The following CSMD1 variants were observed in gnomAD, a reference collection of about 807,000 sequenced individuals.
The protein encoded by CSMD1 is CUB and sushi domain-containing protein 1.
CSMD1 carries 213 observed loss-of-function variants against 417.5 expected under a neutral mutation model. The ratio of observed to expected loss-of-function variants is 0.51; its 90% CI spans 0.46 to 0.57. The LOEUF (loss-of-function observed/expected upper bound fraction) is 0.57. CSMD1 is among the 20% of genes least tolerant of loss of function. The pLI, the probability that CSMD1 is intolerant of heterozygous loss-of-function variation, is 0.00. For synonymous variants in CSMD1, 2,862 were observed against 1,736.8 expected, an observed-to-expected ratio of 1.65 and a Z score of -16.11; for missense variants, 6,923 against 4,529.7, an observed-to-expected ratio of 1.53 and a Z score of -15.17.
intron 1 of CSMD1, 83 bp from the exon 2 acceptor site, chr8:4,637,641 C>G (rs1312925972): frequency 8.7e-6 from 4 of 458,886 alleles, no homozygotes; most frequent in Non-Finnish European, 1.4e-5. Flanking sequence ...AACACTTTAG[C>G]CAATTTTTTT....
At chr8:4,088,378 G>C (rs77994750) in intron 3 of CSMD1, among the ~76,000 whole-genome samples, 5 of 152,188 alleles carry the variant, frequency 3.3e-5, no homozygotes, top group African/African-American at 1.2e-4. Flanking sequence ...ACTTTTGCGG[G>C]AAAGAGCTTT....
intron 52 of CSMD1, among the ~76,000 whole-genome samples, chr8:3,007,254 C>T (rs1393927264): frequency 1.3e-5 from 2 of 151,180 alleles, no homozygotes; most frequent in African/African-American, 4.9e-5. Flanking sequence ...GAATGGCGAT[C>T]ATTAAAAAGT....
At chr8:4,704,988 C>A (rs1038672227) in intron 1 of CSMD1, among the ~76,000 whole-genome samples, 1 of 152,172 alleles carries the variant, frequency 6.6e-6, no homozygotes, top group African/African-American at 2.4e-5. Flanking sequence ...AATCCCTACA[C>A]GTGTTGAGGA....
intron 1 of CSMD1, among the ~76,000 whole-genome samples, chr8:4,721,639 G>C (rs749783392): frequency 1.1e-4 from 16 of 152,192 alleles, no homozygotes; most frequent in Non-Finnish European, 1.0e-4. Context: ...AATAATGGAA[G>C]AGTATGGAGG....
intron 2 of CSMD1, among the ~76,000 whole-genome samples, chr8:4,420,920 T>A (rs1161701648): frequency 1.3e-5 from 2 of 152,194 alleles, no homozygotes; most frequent in African/African-American, 4.8e-5. Flanking sequence ...TCCCTCCCTG[T>A]CTTTTGGTTT....
chr8:4,438,088 T>C (rs997191231), intron 2 of CSMD1, among the ~76,000 whole-genome samples: 5 of 152,316 alleles, frequency 3.3e-5, no homozygotes, highest in Admixed American at 3.3e-4. Flanking sequence ...TTCTTTGGTT[T>C]CCAAGTTCCT....
chr8:3,447,378 G>T (rs974867098), intron 12 of CSMD1, among the ~76,000 whole-genome samples: 2 of 150,494 alleles, frequency 1.3e-5, no homozygotes, highest in Admixed American at 6.6e-5. Context: ...AATAAAAGAA[G>T]AAAAAAAAAG....
At chr8:4,743,987 G>A (rs150273615) in intron 1 of CSMD1, among the ~76,000 whole-genome samples, 49 of 152,278 alleles carry the variant, frequency 3.2e-4, no homozygotes, top group Middle Eastern at 6.8e-3. Context: ...TAAAACAAAC[G>A]TGTGTTAAAG....
chr8:4,954,894 G>A (rs948770502), intron 1 of CSMD1, among the ~76,000 whole-genome samples: 7 of 152,136 alleles, frequency 4.6e-5, no homozygotes, highest in African/African-American at 1.7e-4. Flanking sequence ...AGAGTACTTT[G>A]TTTCAAAATA....
At chr8:3,956,233 T>C (rs988434600) in intron 5 of CSMD1, among the ~76,000 whole-genome samples, 1 of 147,946 alleles carries the variant, frequency 6.8e-6, no homozygotes, top group African/African-American at 2.7e-5. Flanking sequence ...CCAGGTGGTG[T>C]TGTTAACTTT....
chr8:3,408,341 A>T (rs1812477256), intron 13 of CSMD1, 116 bp from the exon 14 acceptor site: 1 of 690,110 alleles, frequency 1.4e-6, no homozygotes, highest in Non-Finnish European at 2.4e-6. Context: ...AGCTATGATG[A>T]TCCAACTATT....
intron 2 of CSMD1, among the ~76,000 whole-genome samples, chr8:4,445,615 G>T (rs187477622): frequency 2.0e-5 from 3 of 152,206 alleles, no homozygotes; most frequent in Admixed American, 6.5e-5. Context: ...GTTCAGAGTC[G>T]AACTGGGCCA....
intron 3 of CSMD1, among the ~76,000 whole-genome samples, chr8:4,155,151 A>C (rs114869483): frequency 0.028 from 4,285 of 152,260 alleles, 211 homozygotes; most frequent in African/African-American, 0.097. Context: ...AGATGAGATA[A>C]AAGAGGCACT....
Position 4,319,143 on chromosome 8 carries a change from T to C in CSMD1, c.415+100810A>G, listed in dbSNP as rs190081330. On this transcript the variant is annotated intron_variant, in intron 3 of 69. Transcript: ENST00000635120. ...ATTTTAAAAGCAGATTAAATCAAAATTGGGAAAATACCTGAAAATTTAAAC... is the reference window on the plus strand; with the variant it reads ...ATTTTAAAAGCAGATTAAATCAAAACTGGGAAAATACCTGAAAATTTAAAC... Among the ~76,000 whole-genome samples the C allele has an allele frequency of 2.2e-3, 337 of 152,230 alleles. 2 individuals carry two copies. Among genetic ancestry groups the C allele is most frequent in the Non-Finnish European group, 3.3e-3 (225 of 68,000 alleles).
At chr8:3,725,149 G>T (rs1802410696) in intron 6 of CSMD1, among the ~76,000 whole-genome samples, 1 of 152,148 alleles carries the variant, frequency 6.6e-6, no homozygotes, top group African/African-American at 2.4e-5. Context: ...GATAGGAAAG[G>T]GACTAAAGGA....
chr8:2,993,081 A>G (rs1369128117), intron 54 of CSMD1, among the ~76,000 whole-genome samples: 2 of 152,230 alleles, frequency 1.3e-5, no homozygotes, highest in African/African-American at 4.8e-5. Flanking sequence ...GGATTGTCCA[A>G]TATCATGTGT....
At chr8:3,074,073 C>A (rs996436023) in intron 49 of CSMD1, among the ~76,000 whole-genome samples, 1 of 152,202 alleles carries the variant, frequency 6.6e-6, no homozygotes, top group Non-Finnish European at 1.5e-5. Flanking sequence ...CGGGAAGAAT[C>A]CACTTGGAAG....
At chr8:4,164,460 C>G (rs1332832538) in intron 3 of CSMD1, among the ~76,000 whole-genome samples, 1 of 152,064 alleles carries the variant, frequency 6.6e-6, no homozygotes, top group African/African-American at 2.4e-5. Context: ...GCATGCTTCC[C>G]AGAAATGAAC....
intron 6 of CSMD1, among the ~76,000 whole-genome samples, chr8:3,710,995 C>A (rs1801476671): frequency 6.6e-6 from 1 of 152,118 alleles, no homozygotes; most frequent in Non-Finnish European, 1.5e-5. Context: ...CATGCCTTGA[C>A]CTTGGACTTC....
Sources: gnomAD v4.1 joint callset for allele counts (sites outside exome capture counted in the v4.1 genomes callset) on GRCh38, gnomAD v4.1.1 for gene constraint, MANE v1.5 for transcripts, NCBI Gene and HGNC (gene_info 2026-07-23, HGNC 2026-07-21) for gene names.